Variants in MBNL3 observed in about 807,000 individuals in gnomAD.
The protein encoded by MBNL3 is muscleblind like splicing regulator 3, also known as muscleblind-like protein 3.
In MBNL3, 6 loss-of-function variants were observed where a neutral mutation model predicts 24.5. That is an observed-to-expected ratio of 0.25 (90% CI 0.13 to 0.48). MBNL3 has a LOEUF of 0.48. Among genes scored for constraint, MBNL3 ranks in the 20% least tolerant of loss-of-function variants. MBNL3 has a pLI of 0.99. For synonymous variants in MBNL3, 100 were observed against 101.7 expected, an observed-to-expected ratio of 0.98 and a Z score of 0.10; for missense variants, 230 against 293.5, an observed-to-expected ratio of 0.78 and a Z score of 1.58.
In MBNL3 at chrX:132,392,197, A is replaced by C; in HGVS notation, c.480T>G (p.Pro160=). The C allele has an allele frequency of 8.3e-7, 1 of 1,209,924 alleles. No individual in the cohort carries two copies. Among genetic ancestry groups the C allele is most frequent in the South Asian group, 1.8e-5 (1 of 56,387 alleles). ...NTPVLIPGNP[P]LAMPGAVGPK... Reference sequence around the variant, plus strand: ...GGCCAACAGCTCCTGGCATTGCAAGAGGTGGGTTTCCAGGAATCAGAACAG... The same window carrying C: ...GGCCAACAGCTCCTGGCATTGCAAGCGGTGGGTTTCCAGGAATCAGAACAG... The change falls in exon 4 of 9, where the codon CCT becomes CCG. Residue 160 remains proline (P), a synonymous_variant. Transcript: ENST00000370853.
chrX:132,382,276 T>A lies in MBNL3; in HGVS notation c.959-4A>T. 1 of 1,192,094 alleles carries A rather than the reference T, an allele frequency of 8.4e-7. No individual in the cohort carries two copies. The highest frequency in any genetic ancestry group is 1.1e-6 in the Non-Finnish European group (1 of 881,392). ...GTAGCACCGTGCATCATGGGCACTT[T>A]CAGTTGAAAACCATAGAAGCAACAC... On this transcript the variant is annotated splice_region_variant and splice_polypyrimidine_tract_variant and intron_variant, in intron 7 of 8. Coordinates refer to ENST00000370853, the MANE Select transcript of MBNL3 (RefSeq NM_001386889.1).
At chrX:132,401,226 ATAAAC>A (rs1940861765) in intron 3 of MBNL3, among the ~76,000 whole-genome samples, 1 of 111,967 alleles carries the variant, frequency 8.9e-6, no homozygotes, top group Admixed American at 9.5e-5. Flanking sequence ...ATTTCAGTCA[ATAAAC>A]TAAATTTATG....
At chrX:132,449,182 G>A (rs752019777) in intron 1 of MBNL3, among the ~76,000 whole-genome samples, 2 of 111,631 alleles carry the variant, frequency 1.8e-5, no homozygotes, top group South Asian at 3.7e-4. Context: ...TTCAAGTCCT[G>A]AATATCCTTG....
At chrX:132,440,535 C>G (rs916059530) in intron 1 of MBNL3, among the ~76,000 whole-genome samples, 2 of 111,239 alleles carry the variant, frequency 1.8e-5, no homozygotes, top group Admixed American at 9.6e-5. Flanking sequence ...TGTTGTAGTA[C>G]AAGACTAGGC....
At chrX:132,483,991 T>A (rs185671147) in intron 1 of MBNL3, among the ~76,000 whole-genome samples, 3,554 of 112,117 alleles carry the variant, frequency 0.032, 70 homozygotes, top group Middle Eastern at 0.055. Flanking sequence ...GATTTTTTTT[T>A]TAAATTTTTA....
chrX:132,390,871 C>T lies in MBNL3; in HGVS notation c.747G>A (p.Met249Ile). Residue 249 changes from methionine to isoleucine, a missense_variant, in exon 5 of 9, where the codon ATG (methionine) becomes ATA (isoleucine). Met to Ile is a conservative substitution (Grantham distance 10). Coordinates refer to ENST00000370853, the MANE Select transcript of MBNL3 (RefSeq NM_001386889.1). ...CCATGGCAGAGGCAGCTGAATGGTT[C>T]ATCTGATGATGAGCTGCCTTGAGTC... ...QARLKAAHHQ[M>I]NHSAASAMAL... The T allele has an allele frequency of 1.7e-6, 2 of 1,210,526 alleles. No individual in the cohort carries two copies. The highest frequency in any genetic ancestry group is 2.2e-6 in the Non-Finnish European group (2 of 894,672).
In MBNL3 at chrX:132,375,891, A is replaced by C. The variant is rs1022619282; in HGVS notation, c.*3775T>G. 1 of 112,094 alleles carries C rather than the reference A, an allele frequency of 8.9e-6. No individual in the cohort carries two copies. Among genetic ancestry groups the C allele is most frequent in the Non-Finnish European group, 1.9e-5 (1 of 53,096 alleles). The allele number at this position is 112,094 out of a possible 1,213,427, so 9.2% of individuals were successfully genotyped here. On this transcript the variant is annotated 3_prime_UTR_variant, in exon 9 of 9. Coordinates refer to ENST00000370853, the MANE Select transcript of MBNL3 (RefSeq NM_001386889.1). ...CTGCAATGAGGGGGACAAAGAACCAAATAACATTTCAAGTAGCACATTAAC... is the reference window on the plus strand; with the variant it reads ...CTGCAATGAGGGGGACAAAGAACCACATAACATTTCAAGTAGCACATTAAC...
chrX:132,477,561 G>A (rs777575459), intron 1 of MBNL3, among the ~76,000 whole-genome samples: 35 of 111,291 alleles, frequency 3.1e-4, no homozygotes, highest in Non-Finnish European at 6.2e-4. Flanking sequence ...AGGTGAGGGT[G>A]AAGACAAACT....
At chrX:132,384,445 C>T (rs776970383) in intron 7 of MBNL3, among the ~76,000 whole-genome samples, 1 of 111,832 alleles carries the variant, frequency 8.9e-6, no homozygotes, top group South Asian at 3.7e-4. Context: ...AGAGAAATGA[C>T]AGGGCCAGTA....
rs751006249 is a variant in MBNL3, at chrX:132,449,464, C to CTTTTTT, written c.-703-9156_-703-9151dup. On this transcript the variant is annotated intron_variant, in intron 1 of 8. Transcript: ENST00000370853. ...TCAGAGACTAGGATTGCAACCCCTG[C>CTTTTTT]TTTTTTTTTTTTTTTTTTTTTTTGC... Among the ~76,000 whole-genome samples, 27 of 29,782 alleles carry CTTTTTT rather than the reference C, an allele frequency of 9.1e-4. 1 individual carries two copies. The highest frequency in any genetic ancestry group is 1.3e-3 in the African/African-American group (6 of 4,471). 25.9% of individuals were successfully genotyped at this position (29,782 alleles called of 115,157 possible). A position where few individuals can be genotyped will look rare whatever the true frequency, so the allele number is the denominator to read the frequency against.
intron 2 of MBNL3, among the ~76,000 whole-genome samples, chrX:132,418,203 C>A (rs756662979): frequency 6.3e-5 from 7 of 111,952 alleles, no homozygotes; most frequent in Non-Finnish European, 1.3e-4. Context: ...ATTTTAAAAA[C>A]AAAACTAGTC....
intron 3 of MBNL3, among the ~76,000 whole-genome samples, chrX:132,396,174 A>C (rs1280676961): frequency 9.3e-6 from 1 of 107,295 alleles, no homozygotes; most frequent in Non-Finnish European, 1.9e-5. Context: ...ATAAGTACCT[A>C]TATAATACCC....
chrX:132,480,072 T>G (rs1179934037), intron 1 of MBNL3, among the ~76,000 whole-genome samples: 1 of 111,518 alleles, frequency 9.0e-6, no homozygotes, highest in African/African-American at 3.3e-5. Context: ...CTCGATCTTA[T>G]TCTGTTTTTG....
intron 2 of MBNL3, chrX:132,413,477 C>A (rs1344510793): frequency 2.6e-6 from 3 of 1,161,189 alleles, no homozygotes; most frequent in Non-Finnish European, 3.5e-6. Flanking sequence ...CATTTTACCT[C>A]TTTACCTTAA....
intron 2 of MBNL3, among the ~76,000 whole-genome samples, chrX:132,424,181 C>T (rs1450413390): frequency 8.9e-6 from 1 of 112,089 alleles, no homozygotes; most frequent in Non-Finnish European, 1.9e-5. Context: ...GCATTTGCTC[C>T]TGTAGCCTGA....
intron 1 of MBNL3, among the ~76,000 whole-genome samples, chrX:132,475,955 A>G (rs1947418780): frequency 8.9e-6 from 1 of 111,788 alleles, no homozygotes; most frequent in Non-Finnish European, 1.9e-5. Flanking sequence ...GAACCCATAG[A>G]TTTTTACTGT....
chrX:132,413,715 C>T lies in MBNL3; in HGVS notation c.178-7323G>A, dbSNP rs1402845211. The stretch of plus-strand genomic sequence containing the variant: ...ACTCCACCTTCCCACCCACCGGTGG[C>T]GCAACAGTATATTTAAATACCCTCG... On this transcript the variant is annotated intron_variant, in intron 2 of 8. Transcript: ENST00000370853. 7 of 697,993 alleles carry T rather than the reference C, an allele frequency of 1.0e-5. No homozygotes were observed. In the East Asian group the frequency reaches 1.1e-4, roughly 11 times the overall value. 57.5% of individuals were successfully genotyped at this position (697,993 alleles called of 1,213,427 possible). A position where few individuals can be genotyped will look rare whatever the true frequency, so the allele number is the denominator to read the frequency against.
intron 1 of MBNL3, among the ~76,000 whole-genome samples, chrX:132,482,423 G>A (rs1007921575): frequency 9.0e-6 from 1 of 111,681 alleles, no homozygotes; most frequent in African/African-American, 3.3e-5. Flanking sequence ...TCAATCCACA[G>A]GCTTTAGCCC....
chrX:132,471,279 G>A (rs1947165739), intron 1 of MBNL3, among the ~76,000 whole-genome samples: 1 of 112,121 alleles, frequency 8.9e-6, no homozygotes, highest in Non-Finnish European at 1.9e-5. Flanking sequence ...CTAAAAACTG[G>A]CTATCAATTA....
Sources: gnomAD v4.1 joint callset for allele counts (sites outside exome capture counted in the v4.1 genomes callset) on GRCh38, gnomAD v4.1.1 for gene constraint, MANE v1.5 for transcripts, NCBI Gene and HGNC (gene_info 2026-07-23, HGNC 2026-07-21) for gene names.